Variants in TRAPPC9 observed in about 807,000 individuals in gnomAD.
The protein encoded by TRAPPC9 is trafficking protein particle complex subunit 9, also known as IKK2 binding protein.
In TRAPPC9, 83 loss-of-function variants were observed where a neutral mutation model predicts 124.0. That is an observed-to-expected ratio of 0.67 (90% CI 0.56 to 0.80). The LOEUF (loss-of-function observed/expected upper bound fraction) is 0.80, where lower values mean the gene tolerates loss of function less well. TRAPPC9 is among the 30% of genes least tolerant of loss of function. The pLI is 0.00. For synonymous variants in TRAPPC9, 638 were observed against 617.5 expected (o/e 1.03, Z -0.49); for missense variants, 1,302 against 1,508.3 (o/e 0.86, Z 2.27).
At chr8:140,195,786 G>C (rs1441163352) in intron 17 of TRAPPC9, among the ~76,000 whole-genome samples, 1 of 150,014 alleles carries the variant, frequency 6.7e-6, no homozygotes, top group African/African-American at 2.5e-5. Flanking sequence ...AAAACACATT[G>C]AACAATTCAC....
chr8:140,230,019 G>A (rs2063554512), intron 16 of TRAPPC9, among the ~76,000 whole-genome samples: 1 of 152,184 alleles, frequency 6.6e-6, no homozygotes, highest in Admixed American at 6.5e-5. Context: ...CACACAGACA[G>A]ACACTTCCTC....
At chr8:139,763,414 A>C (rs1820366038) in intron 21 of TRAPPC9, among the ~76,000 whole-genome samples, 2 of 152,174 alleles carry the variant, frequency 1.3e-5, no homozygotes, top group African/African-American at 4.8e-5. Context: ...ATCTGATGGA[A>C]GCTACAGCCC....
intron 19 of TRAPPC9, among the ~76,000 whole-genome samples, chr8:139,938,495 C>T (rs997564734): frequency 1.3e-5 from 2 of 152,048 alleles, no homozygotes; most frequent in African/African-American, 4.8e-5. Flanking sequence ...CCGTGTTAGC[C>T]AGGATGGTCT....
Position 139,997,861 on chromosome 8 carries a change from AG to A in TRAPPC9, c.2700-9026del, listed in dbSNP as rs1838133945. Among the ~76,000 whole-genome samples, 3 of 130,130 alleles carry A rather than the reference AG, an allele frequency of 2.3e-5. 1 individual carries two copies. Among genetic ancestry groups the A allele is most frequent in the African/African-American group, 8.6e-5 (3 of 34,708 alleles). 85.4% of individuals were successfully genotyped at this position (130,130 alleles called of 152,430 possible). On this transcript the variant is annotated intron_variant, in intron 18 of 22. Transcript: ENST00000438773. Reference sequence around the variant, plus strand: ...GGAGACAATGCATCCCACACAGGAGAGACAATGCATCCCACACAGGGGAGAC... The same window carrying A: ...GGAGACAATGCATCCCACACAGGAGAACAATGCATCCCACACAGGGGAGAC...
chr8:140,354,579 C>T (rs2067683202), intron 9 of TRAPPC9, among the ~76,000 whole-genome samples: 1 of 152,222 alleles, frequency 6.6e-6, no homozygotes, highest in Non-Finnish European at 1.5e-5. Context: ...TGCACATCAC[C>T]AGTCCAGCTT....
chr8:139,770,269 A>G (rs904995858), intron 21 of TRAPPC9, among the ~76,000 whole-genome samples: 11 of 152,112 alleles, frequency 7.2e-5, no homozygotes, highest in African/African-American at 2.7e-4. Context: ...CCACCTCCCG[A>G]CCTTGTATGC....
At chr8:140,157,305 A>G (rs74637651) in intron 17 of TRAPPC9, among the ~76,000 whole-genome samples, 59 of 17,774 alleles carry the variant, frequency 3.3e-3, no homozygotes, top group East Asian at 0.03. Flanking sequence ...TTTCCATTCA[A>G]AAGCCTCCCT....
intron 17 of TRAPPC9, among the ~76,000 whole-genome samples, chr8:140,167,967 A>G (rs2061877675): frequency 6.6e-6 from 1 of 152,224 alleles, no homozygotes; most frequent in Non-Finnish European, 1.5e-5. Context: ...GAGAAGTTAA[A>G]GTTTTGCAGA....
intron 7 of TRAPPC9, among the ~76,000 whole-genome samples, chr8:140,390,868 A>G (rs1323301283): frequency 6.7e-6 from 1 of 148,908 alleles, no homozygotes; most frequent in African/African-American, 2.6e-5. Flanking sequence ...AATCCTCACA[A>G]ACAATCTCTG....
At chr8:140,212,111 T>A (rs1332597263) in intron 17 of TRAPPC9, among the ~76,000 whole-genome samples, 1 of 152,130 alleles carries the variant, frequency 6.6e-6, no homozygotes, top group Admixed American at 6.5e-5. Flanking sequence ...GAGCCTGCGC[T>A]CAGGACCAGC....
intron 9 of TRAPPC9, among the ~76,000 whole-genome samples, chr8:140,341,077 T>C (rs2067182286): frequency 6.6e-6 from 1 of 152,188 alleles, no homozygotes; most frequent in African/African-American, 2.4e-5. Context: ...AAAAGGCAAC[T>C]GGGCTTATTA....
intron 19 of TRAPPC9, among the ~76,000 whole-genome samples, chr8:139,983,263 C>A (rs911661551): frequency 6.6e-6 from 1 of 152,062 alleles, no homozygotes; most frequent in African/African-American, 2.4e-5. Context: ...CAGAATCTGC[C>A]CAGCGTCTTG....
In TRAPPC9 at chr8:139,956,504, G is replaced by A. The variant is rs1046841182; in HGVS notation, c.2810+32222C>T. ...AGGCATGTGTCTCCATCAGCTGCCAGCATAGCGTCTCCTTGATGTTGGGCC... is the reference window on the plus strand; with the variant it reads ...AGGCATGTGTCTCCATCAGCTGCCAACATAGCGTCTCCTTGATGTTGGGCC... On this transcript the variant is annotated intron_variant, in intron 19 of 22. Coordinates refer to ENST00000438773, the MANE Select transcript of TRAPPC9 (RefSeq NM_001160372.4). Among the ~76,000 whole-genome samples, 7 of 152,340 alleles carry A rather than the reference G, an allele frequency of 4.6e-5. No homozygotes were observed. The East Asian group carries it at 9.7e-4, about 21-fold the overall frequency.
In TRAPPC9 at chr8:140,218,722, G is replaced by A. The variant is rs180732010; in HGVS notation, c.2556+2737C>T. 5.4e-4 allele frequency among the ~76,000 whole-genome samples: 82 copies of A among 152,252 alleles called. No homozygotes were observed. The East Asian group carries it at 9.9e-3, about 18-fold the overall frequency. On this transcript the variant is annotated intron_variant, in intron 17 of 22. Transcript: ENST00000438773. Reference sequence around the variant, plus strand: ...CATCTGTAATCCCAGCACTTTGGGAGGCAGAGGTGGGTGGATCACTTGAGG... The same window carrying A: ...CATCTGTAATCCCAGCACTTTGGGAAGCAGAGGTGGGTGGATCACTTGAGG...
At chr8:139,743,338 G>A (rs925678020) in intron 21 of TRAPPC9, among the ~76,000 whole-genome samples, 1 of 152,196 alleles carries the variant, frequency 6.6e-6, no homozygotes, top group African/African-American at 2.4e-5. Context: ...GCGCTGGCGA[G>A]AAACAGGGGA....
chr8:140,099,641 C>G (rs1409297553), intron 17 of TRAPPC9: 1 of 150,948 alleles, frequency 6.6e-6, no homozygotes, highest in Admixed American at 6.6e-5. Flanking sequence ...CCGGGTCCCC[C>G]ACAGCCTTCT....
At chr8:140,157,168 T>TTTTCCATTCAGAAGCCTCCC (rs2061661740) in intron 17 of TRAPPC9, among the ~76,000 whole-genome samples, 11 of 44,174 alleles carry the variant, frequency 2.5e-4, no homozygotes, top group African/African-American at 3.6e-4. Context: ...GAAGCCTCCC[T>TTTTCCATTCAGAAGCCTCCC]TTTCCATTCA....
chr8:139,819,314 G>A (rs1030627321), intron 21 of TRAPPC9, among the ~76,000 whole-genome samples: 1 of 152,132 alleles, frequency 6.6e-6, no homozygotes, highest in Admixed American at 6.5e-5. Context: ...ACATTATGGT[G>A]AGTTATATAA....
At position 140,175,069 on chromosome 8, in the gene TRAPPC9, A is replaced by G. The variant is rs61245143; in HGVS notation, c.2556+46390T>C. ...TAAAAACCTCTTTAGAATTTAACAG[A>G]CAACAAAAATGGGGAGTACATGGTG... On this transcript the variant is annotated intron_variant, in intron 17 of 22. Coordinates refer to ENST00000438773, the MANE Select transcript of TRAPPC9 (RefSeq NM_001160372.4). Among the ~76,000 whole-genome samples the G allele has an allele frequency of 5.3e-3, 802 of 151,562 alleles. 8 individuals carry two copies. Among genetic ancestry groups the G allele is most frequent in the African/African-American group, 0.019 (766 of 41,292 alleles).
Sources: gnomAD v4.1 joint callset for allele counts (sites outside exome capture counted in the v4.1 genomes callset) on GRCh38, gnomAD v4.1.1 for gene constraint, MANE v1.5 for transcripts, NCBI Gene and HGNC (gene_info 2026-07-23, HGNC 2026-07-21) for gene names.